Variants in TRIO observed in about 807,000 individuals in gnomAD.
TRIO encodes triple functional domain protein.
Under a neutral mutation model 351.9 loss-of-function variants are expected in TRIO, and 58 were observed. That is an observed-to-expected ratio of 0.16 (90% confidence interval 0.13 to 0.21). The LOEUF (loss-of-function observed/expected upper bound fraction) is 0.21. Ranked by LOEUF, TRIO falls within the 10% of genes least tolerant of loss-of-function variation. TRIO has a pLI of 1.00. For synonymous variants in TRIO, 1,758 were observed against 1,595.7 expected (o/e 1.10, Z -2.42); for missense variants, 3,201 against 4,027.8 (o/e 0.79, Z 5.56).
At chr5:14,300,079 C>A (rs987002752) in intron 7 of TRIO, among the ~76,000 whole-genome samples, 8 of 152,212 alleles carry the variant, frequency 5.3e-5, no homozygotes, top group African/African-American at 1.9e-4. Flanking sequence ...TATCCGTTTG[C>A]AAATATGTGG....
chr5:14,482,924 TTC>T, intron 46 of TRIO, 151 bp downstream of exon 46: 1 of 747,198 alleles, frequency 1.3e-6, no homozygotes, highest in Non-Finnish European at 2.0e-6. Context: ...TTCACCCCAT[TTC>T]TCTTTTTACT....
chr5:14,487,228 C>T (rs922880162), intron 47 of TRIO, among the ~76,000 whole-genome samples: 1 of 152,126 alleles, frequency 6.6e-6, no homozygotes, highest in African/African-American at 2.4e-5. Context: ...GGACACTGGC[C>T]CTTAGTCCGG....
At chr5:14,199,556 C>T (rs1241377064) in intron 1 of TRIO, among the ~76,000 whole-genome samples, 1 of 152,212 alleles carries the variant, frequency 6.6e-6, no homozygotes. Context: ...CACTAAGGAT[C>T]AGCTCTGCTC....
In TRIO at chr5:14,502,361, G is replaced by A. The variant is rs560741319; in HGVS notation, c.8333-218G>A. Among the ~76,000 whole-genome samples, 5 of 152,310 alleles carry A rather than the reference G, an allele frequency of 3.3e-5. No individual in the cohort carries two copies. In the South Asian group the frequency reaches 1.0e-3, roughly 32 times the overall value. On this transcript the variant is annotated intron_variant, in intron 53 of 56. Transcript: ENST00000344204. ...AGATTTCAACATGAAATCAATATTTGAAAAATCATTAGTGAACTATTTTGC... is the reference window on the plus strand; with the variant it reads ...AGATTTCAACATGAAATCAATATTTAAAAAATCATTAGTGAACTATTTTGC...
At chr5:14,240,855 A>G (rs1794086594) in intron 1 of TRIO, among the ~76,000 whole-genome samples, 1 of 152,142 alleles carries the variant, frequency 6.6e-6, no homozygotes, top group African/African-American at 2.4e-5. Flanking sequence ...TTTTTTAACT[A>G]TTGAGATGGT....
intron 2 of TRIO, among the ~76,000 whole-genome samples, chr5:14,278,461 C>G (rs1735727743): frequency 6.6e-6 from 1 of 152,130 alleles, no homozygotes; most frequent in African/African-American, 2.4e-5. Context: ...TTTAAAAATT[C>G]AGAACTGTGG....
chr5:14,241,042 C>T (rs1561240850), intron 1 of TRIO, among the ~76,000 whole-genome samples: 2 of 152,168 alleles, frequency 1.3e-5, no homozygotes, highest in South Asian at 2.1e-4. Context: ...TATGTCAATA[C>T]GTTGAAAGAA....
intron 10 of TRIO, among the ~76,000 whole-genome samples, chr5:14,335,752 C>T (rs1741347032): frequency 6.6e-6 from 1 of 152,106 alleles, no homozygotes; most frequent in African/African-American, 2.4e-5. Flanking sequence ...ATTATCTGAG[C>T]CCAGGAGTTC....
chr5:14,360,103 A>G (rs1417741242), intron 13 of TRIO, among the ~76,000 whole-genome samples: 1 of 151,964 alleles, frequency 6.6e-6, no homozygotes, highest in Non-Finnish European at 1.5e-5. Flanking sequence ...TAGAGTGGGA[A>G]TAATCCTGAC....
chr5:14,294,461 T>C (rs75866358), intron 6 of TRIO, among the ~76,000 whole-genome samples: 12 of 152,240 alleles, frequency 7.9e-5, no homozygotes, highest in African/African-American at 2.9e-4. Context: ...TTTAGAATTT[T>C]CTGAAACTTT....
At chr5:14,334,339 T>C (rs924695059) in intron 10 of TRIO, among the ~76,000 whole-genome samples, 1 of 152,228 alleles carries the variant, frequency 6.6e-6, no homozygotes, top group Non-Finnish European at 1.5e-5. Flanking sequence ...CCACCAGCCC[T>C]GGCACCTTTT....
At chr5:14,309,529 A>T (rs1003476019) in intron 8 of TRIO, among the ~76,000 whole-genome samples, 7 of 152,346 alleles carry the variant, frequency 4.6e-5, no homozygotes, top group African/African-American at 1.7e-4. Context: ...AGTGGTTTGC[A>T]GACTTGAGTG....
chr5:14,505,950 TC>T (rs1318448363), intron 55 of TRIO, among the ~76,000 whole-genome samples: 1 of 152,204 alleles, frequency 6.6e-6, no homozygotes, highest in Admixed American at 6.5e-5. Context: ...GCCCTCCCTC[TC>T]ATCGGCTCAT....
rs375681491 is a variant in TRIO at position 14,256,854 on chromosome 5, T to C, written c.158-13971T>C. On this transcript the variant is annotated intron_variant, in intron 1 of 56. Transcript: ENST00000344204. Reference sequence around the variant, plus strand: ...TTCACAAAACCATCTGGCCTGGCTTTTGCAAGAATAAAGAAGGAAAACTTA... The same window carrying C: ...TTCACAAAACCATCTGGCCTGGCTTCTGCAAGAATAAAGAAGGAAAACTTA... Among the ~76,000 whole-genome samples, 7 of 152,204 alleles carry C rather than the reference T, an allele frequency of 4.6e-5. No homozygotes were observed. The East Asian group carries it at 1.3e-3, about 29-fold the overall frequency.
At chr5:14,349,495 A>G (rs1226492403) in intron 11 of TRIO, among the ~76,000 whole-genome samples, 1 of 152,120 alleles carries the variant, frequency 6.6e-6, no homozygotes, top group Non-Finnish European at 1.5e-5. Context: ...TTGGAATCCC[A>G]CTGAAGCCGC....
At chr5:14,454,081 C>A (rs1300290367) in intron 34 of TRIO, among the ~76,000 whole-genome samples, 2 of 152,062 alleles carry the variant, frequency 1.3e-5, no homozygotes, top group Non-Finnish European at 2.9e-5. Flanking sequence ...AGGCATGCGA[C>A]ACGATGCCAA....
At chr5:14,218,770 C>T (rs577202339) in intron 1 of TRIO, among the ~76,000 whole-genome samples, 8 of 152,324 alleles carry the variant, frequency 5.3e-5, no homozygotes. Flanking sequence ...GCGGCCACTG[C>T]CCTCCTGCAT....
chr5:14,185,342 A>G (rs1163987039), intron 1 of TRIO, among the ~76,000 whole-genome samples: 2 of 152,206 alleles, frequency 1.3e-5, no homozygotes, highest in Admixed American at 6.5e-5. Context: ...GTGAATACTT[A>G]AAAACATGAA....
chr5:14,362,593 T>C (rs142739303), intron 13 of TRIO, among the ~76,000 whole-genome samples: 2 of 152,366 alleles, frequency 1.3e-5, no homozygotes, highest in African/African-American at 4.8e-5. Context: ...TTATTTTAGA[T>C]TGTGTAACTT....
Sources: gnomAD v4.1 joint callset for allele counts (sites outside exome capture counted in the v4.1 genomes callset) on GRCh38, gnomAD v4.1.1 for gene constraint, MANE v1.5 for transcripts, NCBI Gene and HGNC (gene_info 2026-07-23, HGNC 2026-07-21) for gene names.